VASH2: variants seen among roughly 807,000 people sequenced by gnomAD.
VASH2 encodes vasohibin 2.
A neutral mutation model predicts 37.2 loss-of-function variants in VASH2; 28 were observed. The observed-to-expected ratio is 0.75, with a 90% CI of 0.56 to 1.03. VASH2 has a LOEUF of 1.03. VASH2 is among the 50% of genes least tolerant of loss of function. The pLI is 0.00. For missense variants in VASH2, 419 were observed against 459.1 expected (o/e 0.91, Z 0.80); for synonymous variants, 188 against 174.7 (o/e 1.08, Z -0.60).
In VASH2 at chr1:212,950,556, G is replaced by T. The variant is rs1047629539; in HGVS notation, c.-389G>T. The T allele has an allele frequency of 1.3e-5, 2 of 153,106 alleles. No homozygotes were observed. The highest frequency in any genetic ancestry group is 2.9e-5 in the Non-Finnish European group (2 of 68,088). The allele number at this position is 153,106 out of a possible 1,614,324, so 9.5% of individuals were successfully genotyped here. ...CAATAGACGCATTCGGAACATCGGC[G>T]GCTGCCCGGGTGACTTGGTTATATG... On this transcript the variant is annotated 5_prime_UTR_variant, in exon 1 of 8. Transcript: ENST00000517399. The surrounding 1 kb of genome is among the most constrained non-coding windows in gnomAD (Gnocchi z 5.5).
At chr1:212,960,896 C>A (rs1666652889) in intron 2 of VASH2, among the ~76,000 whole-genome samples, 1 of 152,228 alleles carries the variant, frequency 6.6e-6, no homozygotes, top group African/African-American at 2.4e-5. Flanking sequence ...GGGAAAAAGG[C>A]TGTATTCACA....
intron 7 of VASH2, among the ~76,000 whole-genome samples, chr1:212,986,398 G>A (rs1250282149): frequency 6.6e-6 from 1 of 152,158 alleles, no homozygotes; most frequent in Non-Finnish European, 1.5e-5. Context: ...TTGTAAAGAT[G>A]ACACCACCTC....
At chr1:212,955,390 G>C (rs1021565033) in intron 2 of VASH2, among the ~76,000 whole-genome samples, 2 of 152,162 alleles carry the variant, frequency 1.3e-5, no homozygotes, top group East Asian at 3.9e-4. Flanking sequence ...GTGACTGCAG[G>C]CCTCTCCCCT....
intron 7 of VASH2, among the ~76,000 whole-genome samples, chr1:212,974,391 T>C (rs1176592744): frequency 9.9e-5 from 15 of 152,164 alleles, no homozygotes; most frequent in Non-Finnish European, 4.4e-5. Context: ...TGGAACTGGC[T>C]CAGCTGCTTG....
intron 7 of VASH2, among the ~76,000 whole-genome samples, chr1:212,978,654 A>G (rs1667249282): frequency 6.6e-6 from 1 of 152,164 alleles, no homozygotes; most frequent in African/African-American, 2.4e-5. Context: ...ATTGATTCCC[A>G]AAAGTCCTCC....
In VASH2 at chr1:212,990,395, A is replaced by G. The variant is rs555116079; in HGVS notation, c.*1811A>G. ...AACCCATTCGCAGCCTCTTGGCCACATGTATTCAGATGTTTGAAATAGTGA... is the reference window on the plus strand; with the variant it reads ...AACCCATTCGCAGCCTCTTGGCCACGTGTATTCAGATGTTTGAAATAGTGA... On this transcript the variant is annotated 3_prime_UTR_variant, in exon 8 of 8. Transcript: ENST00000517399. The G allele has an allele frequency of 2.0e-5, 3 of 152,310 alleles. No individual in the cohort carries two copies. The South Asian group carries it at 6.2e-4, about 32-fold the overall frequency. 9.4% of individuals were successfully genotyped at this position (152,310 alleles called of 1,614,324 possible).
rs143740859 is a variant in VASH2, at chr1:212,961,851, C to T, written c.365+597C>T. Among the ~76,000 whole-genome samples the T allele has an allele frequency of 2.7e-3, 406 of 152,330 alleles. 1 individual carries two copies. The highest frequency in any genetic ancestry group is 8.7e-3 in the African/African-American group (360 of 41,582). On this transcript the variant is annotated intron_variant, in intron 3 of 7. Transcript: ENST00000517399. ...CTTACCTCAAGTGATCCGCCCACCT[C>T]GGCCTCCCAAAGTGCTGGGATTACA...
intron 7 of VASH2, among the ~76,000 whole-genome samples, chr1:212,983,141 T>C (rs1052161038): frequency 1.3e-5 from 2 of 152,216 alleles, no homozygotes; most frequent in African/African-American, 4.8e-5. Context: ...GTGGGATTCA[T>C]AGATGAATTT....
chr1:212,969,333 C>G (rs939976621), intron 5 of VASH2: 64 of 344,014 alleles, frequency 1.9e-4, no homozygotes, highest in African/African-American at 1.4e-3. Context: ...GCTGGGACAA[C>G]AACAGGCGCA....
At chr1:212,984,822 C>T (rs894529761) in intron 7 of VASH2, among the ~76,000 whole-genome samples, 2 of 152,176 alleles carry the variant, frequency 1.3e-5, no homozygotes, top group Non-Finnish European at 2.9e-5. Flanking sequence ...TGCAGGGTTA[C>T]AGGGAAGAAG....
At chr1:212,965,660 T>C in intron 3 of VASH2, 62 bp from the exon 4 acceptor site, 1 of 1,438,662 alleles carries the variant, frequency 7.0e-7, no homozygotes, top group South Asian at 1.2e-5. Context: ...CATAGCTTTC[T>C]CTGCCACATT....
chr1:212,987,031 CAGAGAGAGAGAGAG>C (rs10601750), intron 7 of VASH2, among the ~76,000 whole-genome samples: 1 of 148,458 alleles, frequency 6.7e-6, no homozygotes, highest in Non-Finnish European at 1.5e-5. Context: ...CTTCCCATTT[CAGAGAGAGAGAGAG>C]AGAGAGAGAG....
chr1:212,953,234 G>GA (rs932062481), intron 2 of VASH2, among the ~76,000 whole-genome samples: 2 of 128,186 alleles, frequency 1.6e-5, no homozygotes, highest in African/African-American at 5.0e-5. Flanking sequence ...GGTGCGCGGG[G>GA]GGGGGTGCAT....
chr1:212,960,012 G>T (rs1367020998), intron 2 of VASH2, among the ~76,000 whole-genome samples: 1 of 152,228 alleles, frequency 6.6e-6, no homozygotes, highest in East Asian at 1.9e-4. Flanking sequence ...GGAGACAGAG[G>T]TCAGAAGACC....
chr1:212,985,165 G>T (rs1300996373), intron 7 of VASH2, among the ~76,000 whole-genome samples: 1 of 150,582 alleles, frequency 6.6e-6, no homozygotes, highest in Admixed American at 6.6e-5. Flanking sequence ...GGGACTACAG[G>T]CGCATGTCAC....
At chr1:212,975,435 G>A (rs949695531) in intron 7 of VASH2, among the ~76,000 whole-genome samples, 5 of 152,206 alleles carry the variant, frequency 3.3e-5, no homozygotes, top group African/African-American at 1.2e-4. Context: ...GATGAGAACA[G>A]TTTTGGCATA....
chr1:212,969,797 C>T (rs1247502035), intron 5 of VASH2, among the ~76,000 whole-genome samples: 1 of 152,238 alleles, frequency 6.6e-6, no homozygotes, highest in Non-Finnish European at 1.5e-5. Context: ...CCCACAGGCC[C>T]TTCTGCAGGT....
chr1:212,955,973 G>T (rs2102619442), intron 2 of VASH2, among the ~76,000 whole-genome samples: 1 of 152,334 alleles, frequency 6.6e-6, no homozygotes, highest in African/African-American at 2.4e-5. Flanking sequence ...GCTGTTTTGT[G>T]CTTCTCTTCC....
At position 212,951,923 on chromosome 1, in the gene VASH2, T is replaced by A. The variant is rs1666324871; in HGVS notation, c.276+105T>A. The A allele has an allele frequency of 7.5e-7, 1 of 1,341,460 alleles. No individual in the cohort carries two copies. Among genetic ancestry groups the A allele is most frequent in the Non-Finnish European group, 1.0e-6 (1 of 994,538 alleles). 83.1% of individuals were successfully genotyped at this position (1,341,460 alleles called of 1,614,324 possible). A position where few individuals can be genotyped will look rare whatever the true frequency, so the allele number is the denominator to read the frequency against. The stretch of plus-strand genomic sequence containing the variant: ...ACACAGGCAATCTCCATTTTCCTAG[T>A]CCTGCTACAAACTCCCTTCCTCTCC... On this transcript the variant is annotated intron_variant, in intron 2 of 7. Coordinates refer to ENST00000517399, the MANE Select transcript of VASH2 (RefSeq NM_001301056.2). This position sits in a 1 kb window ranked among gnomAD's most constrained non-coding sequence, Gnocchi z 4.4.
Sources: gnomAD v4.1 joint callset for allele counts (sites outside exome capture counted in the v4.1 genomes callset) on GRCh38, gnomAD v4.1.1 for gene constraint, Gnocchi (gnomAD v3.1) non-coding constraint, MANE v1.5 for transcripts, NCBI Gene and HGNC (gene_info 2026-07-23, HGNC 2026-07-21) for gene names.